Variants in CACNB2 observed in about 807,000 individuals in gnomAD.
CACNB2 encodes the protein voltage-dependent L-type calcium channel subunit beta-2.
CACNB2 carries 42 observed loss-of-function variants against 73.3 expected under a neutral mutation model. The ratio of observed to expected loss-of-function variants is 0.57; its 90% CI spans 0.45 to 0.74. CACNB2 has a LOEUF of 0.74. CACNB2 is among the 30% of genes least tolerant of loss of function. CACNB2 has a pLI of 0.00. For missense variants in CACNB2, 940 were observed against 853.0 expected, an observed-to-expected ratio of 1.10 and a Z score of -1.27; for synonymous variants, 348 against 310.3, an observed-to-expected ratio of 1.12 and a Z score of -1.28.
chr10:18,155,535 CT>C (rs2031973726), intron 2 of CACNB2, among the ~76,000 whole-genome samples: 1 of 152,148 alleles, frequency 6.6e-6, no homozygotes, highest in Non-Finnish European at 1.5e-5. Context: ...TTATGTGCTC[CT>C]TTCATACACA....
intron 1 of CACNB2, among the ~76,000 whole-genome samples, chr10:18,141,984 C>T (rs2030465015): frequency 1.3e-5 from 2 of 152,180 alleles, no homozygotes; most frequent in African/African-American, 4.8e-5. Flanking sequence ...GACACACATA[C>T]ACACACTAGA....
intron 12 of CACNB2, among the ~76,000 whole-genome samples, chr10:18,536,931 A>G (rs1008920983): frequency 6.6e-6 from 1 of 152,200 alleles, no homozygotes; most frequent in Non-Finnish European, 1.5e-5. Flanking sequence ...TAAGTTACCT[A>G]GATTCTCACT....
chr10:18,171,543 A>AAAAAAAAAAAAAAAAAAAAAG lies in CACNB2; in HGVS notation c.213+20574_213+20575insAAAAAAAAAAAAAAGAAAAAA, dbSNP rs1564314409. ...GCAGAAAAAAAAAAAAAAAAAAAAA[A>AAAAAAAAAAAAAAAAAAAAAG]AAAAAAGGCTATTTGTTCTTCTTCA... On this transcript the variant is annotated intron_variant, in intron 2 of 13. Coordinates refer to ENST00000324631, the MANE Select transcript of CACNB2 (RefSeq NM_201596.3). 1.4e-3 allele frequency among the ~76,000 whole-genome samples: 194 copies of AAAAAAAAAAAAAAAAAAAAAG among 138,864 alleles called. 15 individuals carry two copies. Among genetic ancestry groups the AAAAAAAAAAAAAAAAAAAAAG allele is most frequent in the African/African-American group, 6.1e-3 (188 of 30,866 alleles). The allele number at this position is 138,864 out of a possible 152,430, so 91.1% of individuals were successfully genotyped here. A position where few individuals can be genotyped will look rare whatever the true frequency, so the allele number is the denominator to read the frequency against.
rs534052822 is a variant in CACNB2 at position 18,530,070 on chromosome 10, T to C, written c.1054+2373T>C. ...TAGATCTCATGAGACTCATTCACTA[T>C]CAGGAGAACTACATGGGAAAGACCA... On this transcript the variant is annotated intron_variant, in intron 10 of 13. Transcript: ENST00000324631. Among the ~76,000 whole-genome samples, 9 of 152,242 alleles carry C rather than the reference T, an allele frequency of 5.9e-5. No individual in the cohort carries two copies. In the South Asian group the frequency reaches 1.9e-3, roughly 32 times the overall value.
rs371143396 is a variant in CACNB2 at position 18,498,667 on chromosome 10, A to G, written c.456+190A>G. 1.9e-4 allele frequency: 121 copies of G among 621,572 alleles called. 7 individuals are homozygous for G. The South Asian group carries it at 2.0e-3, about 10-fold the overall frequency. 38.5% of individuals were successfully genotyped at this position (621,572 alleles called of 1,614,324 possible). Reference sequence around the variant, plus strand: ...ATACCTTTTAAAGTGGAAAGAAGTCACAGGCCTCTTGCAATAACTTCAGCG... The same window carrying G: ...ATACCTTTTAAAGTGGAAAGAAGTCGCAGGCCTCTTGCAATAACTTCAGCG... On this transcript the variant is annotated intron_variant, in intron 4 of 13. Transcript: ENST00000324631.
intron 1 of CACNB2, among the ~76,000 whole-genome samples, chr10:18,146,467 G>A (rs1050496930): frequency 5.5e-5 from 8 of 144,500 alleles, no homozygotes; most frequent in African/African-American, 1.0e-4. Flanking sequence ...ATGCCACCAC[G>A]GCCAGCTAAT....
chr10:18,334,517 A>C (rs2040926908), intron 2 of CACNB2, among the ~76,000 whole-genome samples: 1 of 152,180 alleles, frequency 6.6e-6, no homozygotes, highest in Non-Finnish European at 1.5e-5. Flanking sequence ...AAAGCACTTC[A>C]CATTGACAGC....
rs754910522 is a variant in CACNB2, at chr10:18,539,511, C to CAGAG, written c.1772_1775dup (p.Asp592GlufsTer9). ...ATGCCTCACACCGTGACCACAACCA[C>CAGAG]AGAGACGAGACCCACGGGAGCAGTG... On this transcript the variant is annotated frameshift_variant, in exon 14 of 14. Transcript: ENST00000324631. LOFTEE classifies it high-confidence loss of function. The CAGAG allele has an allele frequency of 6.2e-7, 1 of 1,613,990 alleles. No individual in the cohort carries two copies. The highest frequency in any genetic ancestry group is 8.5e-7 in the Non-Finnish European group (1 of 1,179,978).
At chr10:18,354,690 G>T (rs2041842385) in intron 2 of CACNB2, among the ~76,000 whole-genome samples, 1 of 152,128 alleles carries the variant, frequency 6.6e-6, no homozygotes, top group South Asian at 2.1e-4. Flanking sequence ...GACCCAGCAG[G>T]CCCAACAACA....
intron 3 of CACNB2, among the ~76,000 whole-genome samples, chr10:18,484,589 C>G (rs1340406820): frequency 6.6e-6 from 1 of 152,046 alleles, no homozygotes; most frequent in African/African-American, 2.4e-5. Flanking sequence ...AGTGTGAACC[C>G]AGACACCTGA....
intron 3 of CACNB2, among the ~76,000 whole-genome samples, chr10:18,456,268 C>T (rs1016595866): frequency 6.6e-5 from 10 of 151,714 alleles, no homozygotes; most frequent in Non-Finnish European, 4.4e-5. Flanking sequence ...GCCAGGAGTT[C>T]GAGAACGGCC....
intron 2 of CACNB2, chr10:18,400,859 G>A (rs555746085): frequency 2.7e-6 from 4 of 1,500,024 alleles, no homozygotes; most frequent in Non-Finnish European, 3.5e-6. Context: ...AATCTCCCTG[G>A]ATGGGAGTCC....
At chr10:18,481,934 G>T (rs531355760) in intron 3 of CACNB2, among the ~76,000 whole-genome samples, 1 of 152,250 alleles carries the variant, frequency 6.6e-6, no homozygotes, top group East Asian at 1.9e-4. Context: ...CAGGCTGGAG[G>T]GCTGGAGTGC....
At chr10:18,249,379 T>C (rs1198964681) in intron 2 of CACNB2, among the ~76,000 whole-genome samples, 2 of 151,128 alleles carry the variant, frequency 1.3e-5, no homozygotes, top group East Asian at 4.0e-4. Context: ...CTGTAATACC[T>C]CCTATTCCAA....
chr10:18,540,243 G>GAATCT lies in CACNB2; in HGVS notation c.*521_*525dup, dbSNP rs886046895. On this transcript the variant is annotated 3_prime_UTR_variant, in exon 14 of 14. Transcript: ENST00000324631. ...TTACACAAAGGGGATCATAAAGTTA[G>GAATCT]AATCTATTTTCTATGTACTAGTACT... The GAATCT allele has an allele frequency of 1.7e-5, 3 of 173,360 alleles. No homozygotes were observed. The highest frequency in any genetic ancestry group is 1.6e-4 in the Admixed American group (3 of 18,386). The allele number at this position is 173,360 out of a possible 1,614,324, so 10.7% of individuals were successfully genotyped here.
At chr10:18,381,236 C>T (rs945627984) in intron 2 of CACNB2, among the ~76,000 whole-genome samples, 8 of 150,960 alleles carry the variant, frequency 5.3e-5, no homozygotes, top group South Asian at 2.1e-4. Flanking sequence ...TGGCCGGGTG[C>T]GGTGGCTCAC....
At chr10:18,317,461 C>A (rs915657030) in intron 2 of CACNB2, among the ~76,000 whole-genome samples, 2 of 152,164 alleles carry the variant, frequency 1.3e-5, no homozygotes, top group African/African-American at 2.4e-5. Flanking sequence ...CAATGTTTAG[C>A]TCCCACTCGT....
intron 2 of CACNB2, among the ~76,000 whole-genome samples, chr10:18,188,361 C>G (rs2034247373): frequency 6.6e-6 from 1 of 152,074 alleles, no homozygotes; most frequent in African/African-American, 2.4e-5. Flanking sequence ...TGCAGGGATG[C>G]AGTGGTGCAA....
At chr10:18,508,372 A>T (rs2050599410) in intron 6 of CACNB2, among the ~76,000 whole-genome samples, 3 of 152,190 alleles carry the variant, frequency 2.0e-5, no homozygotes, top group African/African-American at 7.2e-5. Flanking sequence ...GGAGCCCCTG[A>T]ATCCACAGAG....
Sources: allele counts gnomAD v4.1 joint callset (sites outside exome capture counted in the v4.1 genomes callset), GRCh38; gene constraint gnomAD v4.1.1; transcripts MANE v1.5; gene names NCBI Gene and HGNC (gene_info 2026-07-23, HGNC 2026-07-21).